Variants in PARD3 observed in about 807,000 individuals in gnomAD.
The protein encoded by PARD3 is partitioning defective 3 homolog.
PARD3 carries 75 observed loss-of-function variants against 155.4 expected under a neutral mutation model. That is an observed-to-expected ratio of 0.48 (90% CI 0.40 to 0.58). PARD3 has a LOEUF of 0.58. Among genes scored for constraint, PARD3 ranks in the 20% least tolerant of loss-of-function variants. The probability of loss-of-function intolerance (pLI) is 0.00; values close to 1 mark genes in which losing one functional copy is unlikely to be tolerated. For missense variants in PARD3, 1,642 were observed against 1,721.7 expected, an observed-to-expected ratio of 0.95 and a Z score of 0.82; for synonymous variants, 576 against 610.5, an observed-to-expected ratio of 0.94 and a Z score of 0.83.
At chr10:34,718,809 C>G (rs570042010) in intron 1 of PARD3, among the ~76,000 whole-genome samples, 1 of 152,068 alleles carries the variant, frequency 6.6e-6, no homozygotes, top group Admixed American at 6.5e-5. Flanking sequence ...CTAAAAAATA[C>G]AAAAATTAGC....
intron 2 of PARD3, among the ~76,000 whole-genome samples, chr10:34,592,712 T>C (rs112881514): frequency 1.4e-4 from 21 of 152,042 alleles, no homozygotes; most frequent in South Asian, 2.1e-4. Flanking sequence ...GAGTTGGAGG[T>C]TGCAGTGAGT....
intron 19 of PARD3, among the ~76,000 whole-genome samples, chr10:34,321,470 C>T (rs886984284): frequency 2.6e-5 from 4 of 152,196 alleles, no homozygotes; most frequent in Non-Finnish European, 5.9e-5. Context: ...ATGATTATCT[C>T]CTTCCAAACA....
At chr10:34,764,846 T>C (rs1303989396) in intron 1 of PARD3, among the ~76,000 whole-genome samples, 2 of 152,172 alleles carry the variant, frequency 1.3e-5, no homozygotes, top group Non-Finnish European at 2.9e-5. Context: ...CTGTCTTGTG[T>C]TTCTCATTAG....
At chr10:34,583,109 G>T (rs1248975647) in intron 2 of PARD3, among the ~76,000 whole-genome samples, 1 of 152,080 alleles carries the variant, frequency 6.6e-6, no homozygotes, top group African/African-American at 2.4e-5. Flanking sequence ...GTGAGTACCT[G>T]GGATTAAATG....
intron 3 of PARD3, among the ~76,000 whole-genome samples, chr10:34,514,160 C>A (rs980775544): frequency 2.0e-5 from 3 of 152,180 alleles, no homozygotes; most frequent in African/African-American, 7.2e-5. Flanking sequence ...TTTTTCTCAA[C>A]TTCCACCAAT....
intron 23 of PARD3, among the ~76,000 whole-genome samples, chr10:34,120,045 C>T (rs1946906166): frequency 3.9e-5 from 4 of 103,022 alleles, no homozygotes; most frequent in Non-Finnish European, 5.2e-5. Context: ...GAGATGGGAT[C>T]TCACTCTGTC....
At chr10:34,615,869 C>T (rs1007392212) in intron 2 of PARD3, among the ~76,000 whole-genome samples, 1 of 151,910 alleles carries the variant, frequency 6.6e-6, no homozygotes, top group Admixed American at 6.6e-5. Context: ...ATAAGAAAAA[C>T]GCAAATCAAA....
intron 3 of PARD3, among the ~76,000 whole-genome samples, chr10:34,480,794 CTTTTTTTTTT>C (rs61461165): frequency 3.2e-5 from 4 of 125,770 alleles, no homozygotes; most frequent in African/African-American, 9.2e-5. Context: ...GTTTCTTTTT[CTTTTTTTTTT>C]TTTTTTTTTC....
At chr10:34,511,860 C>A (rs973199604) in intron 3 of PARD3, among the ~76,000 whole-genome samples, 1 of 152,066 alleles carries the variant, frequency 6.6e-6, no homozygotes, top group South Asian at 2.1e-4. Flanking sequence ...CGAGCCACAG[C>A]GAGTGCAGTC....
At chr10:34,322,013 C>T (rs1370456145) in intron 19 of PARD3, among the ~76,000 whole-genome samples, 1 of 152,028 alleles carries the variant, frequency 6.6e-6, no homozygotes, top group African/African-American at 2.4e-5. Context: ...TTTCTGTTGG[C>T]CGCTTATCCA....
intron 2 of PARD3, among the ~76,000 whole-genome samples, chr10:34,689,499 G>T (rs959743104): frequency 6.6e-6 from 1 of 151,960 alleles, no homozygotes; most frequent in Non-Finnish European, 1.5e-5. Context: ...AATAAAAAAC[G>T]GCTTTAAAAG....
At chr10:34,240,457 T>A (rs1253316530) in intron 22 of PARD3, among the ~76,000 whole-genome samples, 1 of 152,222 alleles carries the variant, frequency 6.6e-6, no homozygotes, top group African/African-American at 2.4e-5. Context: ...CATATTCAGA[T>A]AATTTTAAGC....
chr10:34,233,692 A>C (rs1053955036), intron 22 of PARD3, among the ~76,000 whole-genome samples: 2 of 152,078 alleles, frequency 1.3e-5, no homozygotes, highest in African/African-American at 4.8e-5. Context: ...CTACCCAATA[A>C]GCATCAGGTC....
At chr10:34,677,072 T>C (rs1285213544) in intron 2 of PARD3, among the ~76,000 whole-genome samples, 1 of 152,196 alleles carries the variant, frequency 6.6e-6, no homozygotes, top group Non-Finnish European at 1.5e-5. Flanking sequence ...ACATCCAATA[T>C]GGTGGCAGTT....
intron 2 of PARD3, among the ~76,000 whole-genome samples, chr10:34,577,564 C>T (rs1403282421): frequency 1.3e-5 from 2 of 152,158 alleles, no homozygotes; most frequent in African/African-American, 4.8e-5. Flanking sequence ...GAATGAGAAT[C>T]GATAATGTGT....
intron 1 of PARD3, among the ~76,000 whole-genome samples, chr10:34,811,392 C>A (rs1844156722): frequency 6.6e-6 from 1 of 152,182 alleles, no homozygotes; most frequent in African/African-American, 2.4e-5. Context: ...TCTGCAGATT[C>A]ACACACCTAG....
At chr10:34,178,660 C>T (rs1435909513) in intron 22 of PARD3, among the ~76,000 whole-genome samples, 1 of 152,142 alleles carries the variant, frequency 6.6e-6, no homozygotes, top group South Asian at 2.1e-4. Flanking sequence ...AGATGCTAAA[C>T]CTTTAGGCAC....
chr10:34,363,445 C>T (rs1251215904), intron 12 of PARD3, among the ~76,000 whole-genome samples: 1 of 152,072 alleles, frequency 6.6e-6, no homozygotes, highest in East Asian at 1.9e-4. Context: ...TGTGATATTC[C>T]ACTATTAATC....
At chr10:34,327,504 G>T (rs950550808) in intron 19 of PARD3, among the ~76,000 whole-genome samples, 8 of 152,328 alleles carry the variant, frequency 5.3e-5, no homozygotes, top group Non-Finnish European at 8.8e-5. Flanking sequence ...TAGTCACTGG[G>T]GAGGGGCTCG....
Sources: allele counts gnomAD v4.1 joint callset (sites outside exome capture counted in the v4.1 genomes callset), GRCh38; gene constraint gnomAD v4.1.1; transcripts MANE v1.5; gene names NCBI Gene and HGNC (gene_info 2026-07-23, HGNC 2026-07-21).